Variants in JHY observed in about 807,000 individuals in gnomAD.
JHY encodes the protein jhy protein homolog.
A neutral mutation model predicts 78.0 loss-of-function variants in JHY; 69 were observed. The observed-to-expected ratio is 0.88, with a 90% CI of 0.73 to 1.08. JHY has a LOEUF of 1.08. Ranked by LOEUF, JHY falls within the 50% of genes least tolerant of loss-of-function variation. The pLI, the probability that JHY is intolerant of heterozygous loss-of-function variation, is 0.00. For missense variants in JHY, 944 were observed against 927.8 expected, an observed-to-expected ratio of 1.02 and a Z score of -0.23; for synonymous variants, 368 against 342.6, an observed-to-expected ratio of 1.07 and a Z score of -0.82.
intron 3 of JHY, among the ~76,000 whole-genome samples, chr11:122,909,043 ATAC>A (rs1308671287): frequency 6.6e-6 from 1 of 152,200 alleles, no homozygotes; most frequent in Non-Finnish European, 1.5e-5. Flanking sequence ...TTGTTCATTT[ATAC>A]TTTTTGTGTA....
intron 4 of JHY, among the ~76,000 whole-genome samples, chr11:122,929,527 T>A (rs1863591541): frequency 6.6e-6 from 1 of 151,966 alleles, no homozygotes; most frequent in African/African-American, 2.4e-5. Context: ...GAGGGAAAAG[T>A]TGACATAGTT....
intron 8 of JHY, chr11:122,958,770 A>G (rs1158861310): frequency 2.0e-6 from 2 of 985,196 alleles, no homozygotes; most frequent in African/African-American, 1.7e-5. Flanking sequence ...TCAACCTCAA[A>G]TACTTTCTAG....
intron 3 of JHY, among the ~76,000 whole-genome samples, chr11:122,919,753 C>T (rs967633018): frequency 1.2e-4 from 18 of 152,002 alleles, no homozygotes; most frequent in Non-Finnish European, 2.2e-4. Context: ...CTGAGGTGGG[C>T]GGATCACCTG....
chr11:122,948,714 C>T (rs1864019847), intron 6 of JHY, among the ~76,000 whole-genome samples: 1 of 152,128 alleles, frequency 6.6e-6, no homozygotes, highest in Admixed American at 6.5e-5. Context: ...AACTGATATC[C>T]TGACCTGGGG....
chr11:122,945,119 G>T (rs1047054112), intron 5 of JHY, among the ~76,000 whole-genome samples: 4 of 152,096 alleles, frequency 2.6e-5, no homozygotes, highest in African/African-American at 4.8e-5. Context: ...AAATAGCTGT[G>T]TGTTAGATTG....
intron 5 of JHY, among the ~76,000 whole-genome samples, chr11:122,938,624 T>C (rs1299475234): frequency 6.6e-6 from 1 of 152,192 alleles, no homozygotes; most frequent in African/African-American, 2.4e-5. Context: ...TTGTTTCTCT[T>C]CTCCTATTTT....
At chr11:122,922,638 G>A (rs542107958) in intron 3 of JHY, among the ~76,000 whole-genome samples, 41 of 151,750 alleles carry the variant, frequency 2.7e-4, no homozygotes, top group Middle Eastern at 3.4e-3. Context: ...GTGAAACCCC[G>A]TCTCTACTAA....
chr11:122,922,809 CAAAAAAAAAAAAAA>C (rs571482464), intron 3 of JHY, among the ~76,000 whole-genome samples: 5 of 44,356 alleles, frequency 1.1e-4, no homozygotes, highest in Non-Finnish European at 3.8e-4. Context: ...GACTCCGTCT[CAAAAAAAAAAAAAA>C]AAAAAAAAAA....
intron 2 of JHY, among the ~76,000 whole-genome samples, chr11:122,893,827 G>A (rs1862676832): frequency 1.3e-5 from 2 of 152,144 alleles, no homozygotes; most frequent in Admixed American, 6.5e-5. Context: ...GAGCTGTTAG[G>A]GCTGTCAAAG....
intron 7 of JHY, among the ~76,000 whole-genome samples, chr11:122,957,156 T>A (rs1249074307): frequency 6.6e-6 from 1 of 152,166 alleles, no homozygotes; most frequent in African/African-American, 2.4e-5. Context: ...GATATTGCAG[T>A]GATGTGCCTC....
At chr11:122,958,437 AT>A (rs1051615668) in intron 8 of JHY, among the ~76,000 whole-genome samples, 26 of 148,926 alleles carry the variant, frequency 1.7e-4, no homozygotes, top group South Asian at 8.5e-4. Flanking sequence ...TCTCCAATCC[AT>A]TTTTTTTTCA....
intron 2 of JHY, among the ~76,000 whole-genome samples, chr11:122,896,967 C>T (rs1286980611): frequency 6.6e-6 from 1 of 152,148 alleles, no homozygotes; most frequent in African/African-American, 2.4e-5. Flanking sequence ...AGCAATTCTC[C>T]TGCCTCAGCC....
rs376082634 is a variant in JHY at position 122,909,564 on chromosome 11, G to A, written c.864+5120G>A. The stretch of plus-strand genomic sequence containing the variant: ...GGAGGCCAAAGCGGGCAGATCATTT[G>A]AGGTCAGGAGTTTGTGACCAGTCTG... On this transcript the variant is annotated intron_variant, in intron 3 of 8. Coordinates refer to ENST00000227349, the MANE Select transcript of JHY (RefSeq NM_024806.4). Among the ~76,000 whole-genome samples the A allele has an allele frequency of 1.3e-4, 20 of 152,282 alleles. No individual in the cohort carries two copies. The East Asian group carries it at 2.9e-3, about 22-fold the overall frequency.
At chr11:122,953,750 G>A (rs186925245) in intron 6 of JHY, among the ~76,000 whole-genome samples, 6 of 152,146 alleles carry the variant, frequency 3.9e-5, no homozygotes, top group African/African-American at 1.4e-4. Flanking sequence ...TAAAGGAGAT[G>A]TATGATTTTG....
At chr11:122,942,828 C>T (rs1183838194) in intron 5 of JHY, among the ~76,000 whole-genome samples, 1 of 152,112 alleles carries the variant, frequency 6.6e-6, no homozygotes, top group Non-Finnish European at 1.5e-5. Context: ...TTAGTTGCTT[C>T]CCACATGTTT....
intron 1 of JHY, among the ~76,000 whole-genome samples, chr11:122,885,195 A>G (rs1188758735): frequency 6.6e-6 from 1 of 152,048 alleles, no homozygotes; most frequent in African/African-American, 2.4e-5. Flanking sequence ...TCTAGTCACA[A>G]CCTGGCTATC....
At chr11:122,952,790 G>C (rs1248170965) in intron 6 of JHY, among the ~76,000 whole-genome samples, 1 of 152,142 alleles carries the variant, frequency 6.6e-6, no homozygotes, top group East Asian at 1.9e-4. Context: ...TGGACAAATT[G>C]GATTTATGAC....
chr11:122,942,031 C>T (rs1218246322), intron 5 of JHY, among the ~76,000 whole-genome samples: 1 of 152,034 alleles, frequency 6.6e-6, no homozygotes, highest in Non-Finnish European at 1.5e-5. Flanking sequence ...GACACCATGC[C>T]CAGCTAATTT....
rs1480821945 is a variant in JHY at position 122,934,647 on chromosome 11, T to C, written c.1206T>C (p.Asn402=). The change falls in exon 5 of 9, where the codon AAT becomes AAC. Residue 402 remains asparagine (N), a synonymous_variant. Transcript: ENST00000227349. The stretch of plus-strand genomic sequence containing the variant: ...CTCCCAGGCAGCAACAAAACCAAAA[T>C]AAGCCTCTTGATACTTCAACAAAGC... ...NNPPRQQQNQ[N]KPLDTSTKPE... The C allele has an allele frequency of 1.9e-6, 3 of 1,613,968 alleles. No homozygotes were observed. The Admixed American group carries it at 5.0e-5, about 27-fold the overall frequency.
Sources: gnomAD v4.1 joint callset for allele counts (sites outside exome capture counted in the v4.1 genomes callset) on GRCh38, gnomAD v4.1.1 for gene constraint, MANE v1.5 for transcripts, NCBI Gene and HGNC (gene_info 2026-07-23, HGNC 2026-07-21) for gene names.